The following CCDC91 variants were observed in gnomAD, a reference collection of about 807,000 sequenced individuals.
CCDC91 encodes coiled-coil domain-containing protein 91.
In CCDC91, 48 loss-of-function variants were observed where a neutral mutation model predicts 63.2. That is an observed-to-expected ratio of 0.76 (90% confidence interval 0.60 to 0.97). The LOEUF (loss-of-function observed/expected upper bound fraction) is 0.97, where lower values mean the gene tolerates loss of function less well. CCDC91 is among the 50% of genes least tolerant of loss of function. The pLI is 0.00. For synonymous variants in CCDC91, 167 were observed against 165.8 expected (o/e 1.01, Z -0.06); for missense variants, 500 against 494.6 (o/e 1.01, Z -0.10).
chr12:28,370,427 C>T (rs948514902), intron 7 of CCDC91, among the ~76,000 whole-genome samples: 2 of 152,190 alleles, frequency 1.3e-5, no homozygotes, highest in South Asian at 2.1e-4. Flanking sequence ...GTTTCTCATC[C>T]TCCTCTGAGA....
chr12:28,528,368 A>G (rs1279445920), intron 12 of CCDC91, among the ~76,000 whole-genome samples: 1 of 152,166 alleles, frequency 6.6e-6, no homozygotes, highest in Non-Finnish European at 1.5e-5. Flanking sequence ...AGTTAAGGTT[A>G]GAATCTTTTC....
At chr12:28,501,312 T>C (rs1318391051) in intron 12 of CCDC91, among the ~76,000 whole-genome samples, 2 of 151,920 alleles carry the variant, frequency 1.3e-5, no homozygotes, top group Admixed American at 1.3e-4. Context: ...CTTCCAGTTT[T>C]TGCCCATTCA....
intron 7 of CCDC91, among the ~76,000 whole-genome samples, chr12:28,376,856 C>A (rs557652403): frequency 5.9e-5 from 9 of 151,588 alleles, no homozygotes; most frequent in African/African-American, 2.2e-4. Context: ...GAAGAATTTT[C>A]CAAAGGAAGT....
intron 6 of CCDC91, among the ~76,000 whole-genome samples, chr12:28,311,729 A>T (rs553842272): frequency 3.3e-5 from 5 of 151,522 alleles, no homozygotes; most frequent in South Asian, 4.2e-4. Flanking sequence ...TTTTTTTTCC[A>T]TGGTATTTGG....
chr12:28,398,941 T>C (rs1213293920), intron 8 of CCDC91, among the ~76,000 whole-genome samples: 1 of 152,244 alleles, frequency 6.6e-6, no homozygotes, highest in Non-Finnish European at 1.5e-5. Flanking sequence ...GTTTCTGTCT[T>C]CCTTTTCACT....
chr12:28,203,357 A>G (rs1312980468), intron 1 of CCDC91, among the ~76,000 whole-genome samples: 13 of 152,204 alleles, frequency 8.5e-5, no homozygotes, highest in Admixed American at 8.5e-4. Context: ...CCTTAACTCC[A>G]CTATTCCTGC....
In CCDC91 at chr12:28,450,985, T is replaced by G. The variant is rs117223841; in HGVS notation, c.924+567T>G. On this transcript the variant is annotated intron_variant, in intron 10 of 12. Transcript: ENST00000536442. ...TATAATCAGATAAGAAAAATACTAT[T>G]TATATACCAAGAGGGCAAGGAGGAA... Among the ~76,000 whole-genome samples, 24 of 151,842 alleles carry G rather than the reference T, an allele frequency of 1.6e-4. No homozygotes were observed. In the East Asian group the frequency reaches 4.6e-3, roughly 29 times the overall value.
intron 1 of CCDC91, among the ~76,000 whole-genome samples, chr12:28,210,803 A>G (rs1943181753): frequency 6.6e-6 from 1 of 151,910 alleles, no homozygotes; most frequent in Non-Finnish European, 1.5e-5. Flanking sequence ...AGCAGAAAGT[A>G]CTCATTGCCT....
chr12:28,499,769 A>G (rs1202453472), intron 12 of CCDC91, among the ~76,000 whole-genome samples: 2 of 152,188 alleles, frequency 1.3e-5, no homozygotes, highest in South Asian at 2.1e-4. Context: ...GTTGGTTCCA[A>G]GTCTTTGCTA....
chr12:28,540,690 C>T (rs1942565808), intron 12 of CCDC91, among the ~76,000 whole-genome samples: 1 of 152,114 alleles, frequency 6.6e-6, no homozygotes, highest in African/African-American at 2.4e-5. Context: ...TTGTAGATGT[C>T]TCCAATGGTA....
rs1314914558 is a variant in CCDC91, at chr12:28,307,637, T to C, written c.472-8T>C. On this transcript the variant is annotated splice_region_variant and splice_polypyrimidine_tract_variant and intron_variant, in intron 5 of 12. Transcript: ENST00000536442. ...ATTACAAAGCTTGTATTTGTATTTT[T>C]ATTTTAGGATGTGGAATCATTGATG... The C allele has an allele frequency of 7.1e-7, 1 of 1,408,094 alleles. No homozygotes were observed. The highest frequency in any genetic ancestry group is 2.4e-5 in the East Asian group (1 of 42,120). 87.2% of individuals were successfully genotyped at this position (1,408,094 alleles called of 1,614,324 possible).
intron 8 of CCDC91, among the ~76,000 whole-genome samples, chr12:28,419,795 C>T (rs1215392635): frequency 6.6e-5 from 10 of 150,826 alleles, no homozygotes; most frequent in African/African-American, 9.8e-5. Context: ...CTCACTCCAT[C>T]GCCCATGCTG....
intron 12 of CCDC91, among the ~76,000 whole-genome samples, chr12:28,502,140 A>T (rs1418900244): frequency 2.0e-5 from 3 of 151,566 alleles, no homozygotes; most frequent in African/African-American, 7.3e-5. Flanking sequence ...AATTCTGTTG[A>T]TCCTTTCAAA....
chr12:28,359,710 G>A (rs1367304561), intron 6 of CCDC91, among the ~76,000 whole-genome samples: 2 of 151,450 alleles, frequency 1.3e-5, no homozygotes, highest in Non-Finnish European at 2.9e-5. Flanking sequence ...TATCCCCAGG[G>A]TAGGATATAT....
intron 12 of CCDC91, among the ~76,000 whole-genome samples, chr12:28,526,931 A>G (rs1941315379): frequency 6.6e-6 from 1 of 151,932 alleles, no homozygotes; most frequent in South Asian, 2.1e-4. Flanking sequence ...TATTTCTATA[A>G]GTGTGTCCAT....
intron 12 of CCDC91, among the ~76,000 whole-genome samples, chr12:28,496,612 C>T (rs1349208482): frequency 6.6e-6 from 1 of 151,514 alleles, no homozygotes; most frequent in Non-Finnish European, 1.5e-5. Flanking sequence ...AGTCTTTTGG[C>T]TAATTCTAAA....
At chr12:28,541,401 G>C (rs566905386) in intron 12 of CCDC91, among the ~76,000 whole-genome samples, 2 of 152,034 alleles carry the variant, frequency 1.3e-5, no homozygotes, top group Non-Finnish European at 2.9e-5. Flanking sequence ...TCAATCATTT[G>C]AGAATTTAAA....
At chr12:28,394,732 C>T (rs1946182944) in intron 8 of CCDC91, among the ~76,000 whole-genome samples, 2 of 151,450 alleles carry the variant, frequency 1.3e-5, no homozygotes, top group Non-Finnish European at 1.5e-5. Context: ...CTCTCTCTCT[C>T]CCCCTTTTTC....
chr12:28,305,064 A>G (rs768485367), intron 3 of CCDC91, among the ~76,000 whole-genome samples: 1 of 152,168 alleles, frequency 6.6e-6, no homozygotes, highest in East Asian at 1.9e-4. Context: ...TGTTTGTTAC[A>G]AAAGAGACTT....
Sources: allele counts gnomAD v4.1 joint callset (sites outside exome capture counted in the v4.1 genomes callset), GRCh38; gene constraint gnomAD v4.1.1; transcripts MANE v1.5; gene names NCBI Gene and HGNC (gene_info 2026-07-23, HGNC 2026-07-21).